The following SATL1 variants were observed in gnomAD, a reference collection of about 807,000 sequenced individuals.
The protein encoded by SATL1 is spermidine/spermine N(1)-acetyltransferase-like protein 1.
SATL1 carries 47 observed loss-of-function variants against 51.8 expected under a neutral mutation model. The ratio of observed to expected loss-of-function variants is 0.91; its 90% CI spans 0.72 to 1.16. SATL1 has a LOEUF of 1.16. Among genes scored for constraint, SATL1 ranks in the 50% most tolerant of loss-of-function variants. The probability of loss-of-function intolerance (pLI) is 0.00; values close to 1 mark genes in which losing one functional copy is unlikely to be tolerated. For synonymous variants in SATL1, 176 were observed against 182.4 expected (o/e 0.97, Z 0.28); for missense variants, 520 against 526.4 (o/e 0.99, Z 0.12).
At chrX:85,220,644 TAAAAAAAAAA>T (rs57383092) in intron 2 of SATL1, among the ~76,000 whole-genome samples, 70 of 24,144 alleles carry the variant, frequency 2.9e-3, no homozygotes, top group Non-Finnish European at 3.6e-3. Flanking sequence ...ACTTCTGTGT[TAAAAAAAAAA>T]AAAAAAAAAA....
At chrX:85,150,110 C>T (rs1410261558) in intron 2 of SATL1, among the ~76,000 whole-genome samples, 1 of 110,829 alleles carries the variant, frequency 9.0e-6, no homozygotes, top group African/African-American at 3.3e-5. Flanking sequence ...GAAATAGATG[C>T]AATAAAAAAT....
At chrX:85,240,667 C>A (rs780972470) in intron 1 of SATL1, among the ~76,000 whole-genome samples, 1 of 110,570 alleles carries the variant, frequency 9.0e-6, no homozygotes, top group African/African-American at 3.3e-5. Context: ...AGGTTTCATT[C>A]TTTGGGAGTA....
chrX:85,150,249 C>G (rs866393148), intron 2 of SATL1, among the ~76,000 whole-genome samples: 10 of 111,762 alleles, frequency 8.9e-5, no homozygotes, highest in Middle Eastern at 4.7e-3. Flanking sequence ...CATACACTCT[C>G]CCAAGAATAA....
intron 4 of SATL1, 35 bp from the exon 5 acceptor site, chrX:85,095,031 G>A (rs1007595033): frequency 7.5e-6 from 6 of 797,530 alleles, no homozygotes; most frequent in Non-Finnish European, 7.5e-6. Context: ...ATGTCAGAAA[G>A]TTTATAGCAG....
chrX:85,139,607 A>T (rs1003842529), intron 2 of SATL1, among the ~76,000 whole-genome samples: 12 of 111,538 alleles, frequency 1.1e-4, no homozygotes, highest in African/African-American at 3.6e-4. Flanking sequence ...CACTGAGCTT[A>T]GTTCAGTCTC....
intron 1 of SATL1, among the ~76,000 whole-genome samples, chrX:85,232,390 G>A (rs1000899838): frequency 1.8e-5 from 2 of 111,284 alleles, no homozygotes; most frequent in African/African-American, 6.5e-5. Context: ...AGAGAGATTT[G>A]TTTTGTTTGA....
intron 2 of SATL1, among the ~76,000 whole-genome samples, chrX:85,220,813 G>C (rs1429954125): frequency 9.1e-6 from 1 of 109,653 alleles, no homozygotes; most frequent in Non-Finnish European, 1.9e-5. Context: ...AGAAAAAAGA[G>C]AAAAAGAAAT....
chrX:85,094,524 G>A (rs774646881), intron 5 of SATL1, among the ~76,000 whole-genome samples: 3 of 111,151 alleles, frequency 2.7e-5, no homozygotes, highest in Non-Finnish European at 5.7e-5. Context: ...CGGGAGGGTC[G>A]CTTGAGCTCA....
chrX:85,171,069 T>G (rs1854867481), intron 2 of SATL1, among the ~76,000 whole-genome samples: 1 of 111,425 alleles, frequency 9.0e-6, no homozygotes, highest in Non-Finnish European at 1.9e-5. Context: ...GCATAACTGG[T>G]AATTTAAAAG....
Position 85,129,193 on chromosome X carries a change from G to A in SATL1, c.-312-19913C>T, listed in dbSNP as rs748829975. Among the ~76,000 whole-genome samples, 10 of 111,903 alleles carry A rather than the reference G, an allele frequency of 8.9e-5. No homozygotes were observed. The East Asian group carries it at 1.7e-3, about 19-fold the overall frequency. ...TTCCAATTCTGTGAAGAAAGTTATT[G>A]GTAGCTTGATGGGGATGGCATTGAA... On this transcript the variant is annotated intron_variant, in intron 2 of 7. Transcript: ENST00000644105.
chrX:85,184,947 G>T (rs917636755), intron 2 of SATL1, among the ~76,000 whole-genome samples: 2 of 111,701 alleles, frequency 1.8e-5, no homozygotes, highest in African/African-American at 6.5e-5. Context: ...CACAGTCTGG[G>T]CTTGTTTGTA....
chrX:85,158,102 A>T (rs971936458), intron 2 of SATL1, among the ~76,000 whole-genome samples: 2 of 111,326 alleles, frequency 1.8e-5, no homozygotes, highest in African/African-American at 6.6e-5. Context: ...GACTTAGATG[A>T]AGTTTCCACA....
intron 2 of SATL1, among the ~76,000 whole-genome samples, chrX:85,159,982 T>C (rs1926681571): frequency 9.0e-6 from 1 of 110,879 alleles, no homozygotes; most frequent in Non-Finnish European, 1.9e-5. Flanking sequence ...ACCATCACAG[T>C]GTGTTCTTAA....
intron 2 of SATL1, among the ~76,000 whole-genome samples, chrX:85,199,938 A>G (rs907699320): frequency 8.9e-6 from 1 of 111,951 alleles, no homozygotes; most frequent in Admixed American, 9.5e-5. Context: ...TTTTAAAATA[A>G]TTAAAAGATT....
rs1167505226 is a variant in SATL1, at chrX:85,174,001, C to T, written c.-313+50204G>A. ...AGTGTTCTCGTTGTTCAATTCCCAC[C>T]TATGAGTGAGAACATGCGGTGTTTG... On this transcript the variant is annotated intron_variant, in intron 2 of 7. Transcript: ENST00000644105. Among the ~76,000 whole-genome samples the T allele has an allele frequency of 3.8e-5, 4 of 105,202 alleles. No homozygotes were observed. In the Admixed American group the frequency reaches 4.2e-4, roughly 11 times the overall value. 91.4% of individuals were successfully genotyped at this position (105,202 alleles called of 115,157 possible). A position where few individuals can be genotyped will look rare whatever the true frequency, so the allele number is the denominator to read the frequency against.
chrX:85,185,286 C>A (rs1021068258), intron 2 of SATL1, among the ~76,000 whole-genome samples: 1 of 112,781 alleles, frequency 8.9e-6, no homozygotes, highest in Non-Finnish European at 1.9e-5. Flanking sequence ...AGACCTGAAG[C>A]CAGCACTGTA....
intron 2 of SATL1, among the ~76,000 whole-genome samples, chrX:85,112,238 G>A (rs1569229682): frequency 9.0e-6 from 1 of 110,972 alleles, no homozygotes; most frequent in Non-Finnish European, 1.9e-5. Context: ...TGTAATCCCA[G>A]CTACTCAGGA....
intron 2 of SATL1, among the ~76,000 whole-genome samples, chrX:85,180,582 T>C: frequency 8.9e-6 from 1 of 111,946 alleles, no homozygotes; most frequent in South Asian, 3.7e-4. Flanking sequence ...AGAAATGTCC[T>C]TATGTGGCAA....
intron 2 of SATL1, among the ~76,000 whole-genome samples, chrX:85,184,092 C>A (rs1370952071): frequency 9.0e-6 from 1 of 111,567 alleles, no homozygotes; most frequent in Non-Finnish European, 1.9e-5. Flanking sequence ...TCAGTTCCAT[C>A]TATATTGTTG....
Sources: gnomAD v4.1 joint callset for allele counts (sites outside exome capture counted in the v4.1 genomes callset) on GRCh38, gnomAD v4.1.1 for gene constraint, MANE v1.5 for transcripts, NCBI Gene and HGNC (gene_info 2026-07-23, HGNC 2026-07-21) for gene names.